The following TDRP variants were observed in gnomAD, a reference collection of about 807,000 sequenced individuals.
The protein encoded by TDRP is testis development-related protein.
In TDRP, 12 loss-of-function variants were observed where a neutral mutation model predicts 10.5. The ratio of observed to expected loss-of-function variants is 1.15; its 90% CI spans 0.73 to 1.86. The LOEUF is 1.86. Ranked by LOEUF, TDRP falls within the 40% of genes most tolerant of loss-of-function variation. The probability of loss-of-function intolerance (pLI) is 0.00; values close to 1 mark genes in which losing one functional copy is unlikely to be tolerated. For missense variants in TDRP, 353 were observed against 229.2 expected, an observed-to-expected ratio of 1.54 and a Z score of -3.49; for synonymous variants, 139 against 95.4, an observed-to-expected ratio of 1.46 and a Z score of -2.67.
At chr8:506,487 A>G (rs1801468326) in intron 1 of TDRP, among the ~76,000 whole-genome samples, 1 of 152,146 alleles carries the variant, frequency 6.6e-6, no homozygotes, top group Non-Finnish European at 1.5e-5. Context: ...TGAATGCTAC[A>G]CAGAGGTGAG....
chr8:502,528 G>A (rs940623140), intron 1 of TDRP, among the ~76,000 whole-genome samples: 6 of 152,148 alleles, frequency 3.9e-5, no homozygotes, highest in South Asian at 2.1e-4. Context: ...AAACTAGCTC[G>A]GGTGACCTAG....
intron 1 of TDRP, chr8:494,841 T>A (rs1360177441): frequency 5.3e-6 from 2 of 375,014 alleles, no homozygotes; most frequent in South Asian, 8.8e-5. Flanking sequence ...AAATTTAGTA[T>A]TAGACAAGTC....
In TDRP at chr8:544,673, CGGCCGGT is replaced by C; in HGVS notation, c.78_84del (p.Ala28ProfsTer19). 1.6e-6 allele frequency: 2 copies of C among 1,221,304 alleles called. No homozygotes were observed. Among genetic ancestry groups the C allele is most frequent in the Non-Finnish European group, 2.1e-6 (2 of 975,528 alleles). 75.7% of individuals were successfully genotyped at this position (1,221,304 alleles called of 1,614,324 possible). A position where few individuals can be genotyped will look rare whatever the true frequency, so the allele number is the denominator to read the frequency against. On this transcript the variant is annotated frameshift_variant, in exon 1 of 3. Coordinates refer to ENST00000324079, the MANE Select transcript of TDRP (RefSeq NM_001384899.1). LOFTEE classifies it high-confidence loss of function. ...ACCTGCGCCTGGGCGGCGGCGGCGG[CGGCCGGT>C]GGCGGCCCCCCACGCAGGCCGTCCT...
chr8:521,178 G>A (rs528711503), intron 1 of TDRP, among the ~76,000 whole-genome samples: 77 of 149,876 alleles, frequency 5.1e-4, no homozygotes, highest in African/African-American at 1.5e-3. Context: ...CGAGGCAGGC[G>A]GATCATGAGG....
intron 1 of TDRP, among the ~76,000 whole-genome samples, chr8:530,319 T>A (rs1430784053): frequency 5.3e-5 from 8 of 152,230 alleles, no homozygotes; most frequent in South Asian, 2.1e-4. Flanking sequence ...TTTTGAATTC[T>A]TTGTCAGATA....
intron 1 of TDRP, among the ~76,000 whole-genome samples, chr8:534,954 A>C (rs1161537283): frequency 4.6e-5 from 7 of 152,184 alleles, no homozygotes. Context: ...ACACGCTCTG[A>C]CTAAAAACGA....
chr8:540,340 A>G (rs992685825), intron 1 of TDRP, among the ~76,000 whole-genome samples: 1 of 152,254 alleles, frequency 6.6e-6, no homozygotes, highest in Admixed American at 6.5e-5. Context: ...AAGGGAACTC[A>G]AGGTACAGAA....
intron 1 of TDRP, among the ~76,000 whole-genome samples, chr8:502,475 G>A (rs143534597): frequency 3.4e-4 from 52 of 152,350 alleles, no homozygotes; most frequent in Non-Finnish European, 6.2e-4. Flanking sequence ...CAGAGGGGCT[G>A]CTGATCTGAC....
chr8:493,542 A>G (rs544132137), intron 2 of TDRP, among the ~76,000 whole-genome samples: 20 of 152,210 alleles, frequency 1.3e-4, no homozygotes, highest in Admixed American at 2.6e-4. Flanking sequence ...GTACTTGTAG[A>G]CTCACCAGGA....
At chr8:509,051 C>A (rs138227005) in intron 1 of TDRP, among the ~76,000 whole-genome samples, 1 of 152,368 alleles carries the variant, frequency 6.6e-6, no homozygotes, top group East Asian at 1.9e-4. Context: ...ATGTCTCACA[C>A]AACCAGCTCG....
In TDRP at chr8:490,506, C is replaced by A. The variant is rs1018602789; in HGVS notation, c.*1893G>T. The A allele has an allele frequency of 2.2e-4, 34 of 152,262 alleles. No homozygotes were observed. Among genetic ancestry groups the A allele is most frequent in the African/African-American group, 8.2e-4 (34 of 41,462 alleles). 9.4% of individuals were successfully genotyped at this position (152,262 alleles called of 1,614,324 possible). Reference sequence around the variant, plus strand: ...CATGGGAAGCGTCCCCATCTCCCCACACACGTGATTTCCAGAGTTTCAAAC... The same window carrying A: ...CATGGGAAGCGTCCCCATCTCCCCAAACACGTGATTTCCAGAGTTTCAAAC... On this transcript the variant is annotated 3_prime_UTR_variant, in exon 3 of 3. Transcript: ENST00000324079.
chr8:543,052 G>A (rs1802540251), intron 1 of TDRP, among the ~76,000 whole-genome samples: 1 of 152,106 alleles, frequency 6.6e-6, no homozygotes, highest in South Asian at 2.1e-4. Flanking sequence ...TCACGCCTGT[G>A]ATCCTAGTAC....
intron 1 of TDRP, among the ~76,000 whole-genome samples, chr8:534,631 G>C (rs1802298180): frequency 6.6e-6 from 1 of 152,194 alleles, no homozygotes; most frequent in Non-Finnish European, 1.5e-5. Flanking sequence ...GTAAAAAAAA[G>C]GTAGTTCTCA....
At chr8:543,952 G>A (rs996740112) in intron 1 of TDRP, among the ~76,000 whole-genome samples, 31 of 84,522 alleles carry the variant, frequency 3.7e-4, no homozygotes, top group Non-Finnish European at 6.4e-4. Context: ...GTGGGGGAGG[G>A]CACGTCTAAG....
chr8:526,880 A>G (rs1257541335), intron 1 of TDRP, among the ~76,000 whole-genome samples: 5 of 152,250 alleles, frequency 3.3e-5, no homozygotes, highest in African/African-American at 1.2e-4. Context: ...AGAAAAAAAT[A>G]AAAGACATTC....
chr8:524,020 G>C (rs766198204), intron 1 of TDRP, among the ~76,000 whole-genome samples: 22 of 152,172 alleles, frequency 1.4e-4, no homozygotes, highest in Non-Finnish European at 2.6e-4. Context: ...CTAGCTTCTG[G>C]TCTGAATCAG....
At chr8:509,299 C>G (rs1340777241) in intron 1 of TDRP, among the ~76,000 whole-genome samples, 1 of 152,204 alleles carries the variant, frequency 6.6e-6, no homozygotes, top group Non-Finnish European at 1.5e-5. Context: ...GGGCTCCAAC[C>G]CCACATTTCC....
At chr8:507,145 C>T (rs148147477) in intron 1 of TDRP, among the ~76,000 whole-genome samples, 53 of 152,192 alleles carry the variant, frequency 3.5e-4, no homozygotes, top group African/African-American at 1.2e-3. Context: ...ACTTTAAAAC[C>T]ATCAGATCTC....
At chr8:498,053 C>G (rs1238892390) in intron 1 of TDRP, among the ~76,000 whole-genome samples, 1 of 152,142 alleles carries the variant, frequency 6.6e-6, no homozygotes, top group African/African-American at 2.4e-5. Context: ...GGGTAGAGCC[C>G]TCAAGAAGAA....
Sources: gnomAD v4.1 joint callset for allele counts (sites outside exome capture counted in the v4.1 genomes callset) on GRCh38, gnomAD v4.1.1 for gene constraint, MANE v1.5 for transcripts, NCBI Gene and HGNC (gene_info 2026-07-23, HGNC 2026-07-21) for gene names.